C5AR2: variants seen among roughly 807,000 people sequenced by gnomAD.
The protein encoded by C5AR2 is complement C5a receptor 2.
For synonymous variants in C5AR2, 224 were observed against 216.5 expected (o/e 1.03, Z -0.30); for missense variants, 458 against 467.5 (o/e 0.98, Z 0.19).
At chr19:47,335,817 T>G (rs1196104821) in intron 1 of C5AR2, among the ~76,000 whole-genome samples, 1 of 134,022 alleles carries the variant, frequency 7.5e-6, no homozygotes, top group East Asian at 2.3e-4. Flanking sequence ...GTTTTCGTTT[T>G]CTGGATTGTA....
At chr19:47,336,472 CCTTCCTTCCTTCCTTCCTTT>C (rs879628938) in intron 1 of C5AR2, among the ~76,000 whole-genome samples, 14,765 of 90,014 alleles carry the variant, frequency 0.16, 1,025 homozygotes, top group East Asian at 0.25. Context: ...TTCCTTCCTT[CCTTCCTTCCTTCCTTCCTTT>C]CTTTCTTTCT....
At position 47,343,293 on chromosome 19, in the gene C5AR2, TAGACCTCTGATCCGC is replaced by T. The variant is rs1969072316; in HGVS notation, c.*1487_*1501del. The T allele has an allele frequency of 6.6e-6, 1 of 152,220 alleles. No individual in the cohort carries two copies. The highest frequency in any genetic ancestry group is 2.1e-4 in the South Asian group (1 of 4,836). The allele number at this position is 152,220 out of a possible 1,614,324, so 9.4% of individuals were successfully genotyped here. ...AGGAACACAGACCTCCTGACACTTT[TAGACCTCTGATCCGC>T]AGACCTTTAAGAAAATACATTTGTA... On this transcript the variant is annotated 3_prime_UTR_variant, in exon 2 of 2. Coordinates refer to ENST00000595464, the MANE Select transcript of C5AR2 (RefSeq NM_001271749.2).
intron 1 of C5AR2, among the ~76,000 whole-genome samples, chr19:47,339,614 G>A (rs2059374422): frequency 6.6e-6 from 1 of 152,070 alleles, no homozygotes; most frequent in Non-Finnish European, 1.5e-5. Flanking sequence ...ACTGTGCCCG[G>A]CCCCTGATGA....
At chr19:47,334,659 A>G (rs1057170264) in intron 1 of C5AR2, among the ~76,000 whole-genome samples, 6 of 151,984 alleles carry the variant, frequency 3.9e-5, no homozygotes, top group Non-Finnish European at 8.8e-5. Context: ...CATTTTCAAC[A>G]TAAGTTGAAA....
In C5AR2 at chr19:47,341,860, GA is replaced by G. The variant is rs1568388161; in HGVS notation, c.*48del. On this transcript the variant is annotated 3_prime_UTR_variant, in exon 2 of 2. Coordinates refer to ENST00000595464, the MANE Select transcript of C5AR2 (RefSeq NM_001271749.2). This position sits in a 1 kb window ranked among gnomAD's most constrained non-coding sequence, Gnocchi z 4.6. ...TGTATCTTCTTATCTCATTTCACAA[GA>G]CTGGCTTCAGGCATAGCTGGATCCA... The G allele has an allele frequency of 6.4e-7, 1 of 1,562,932 alleles. No homozygotes were observed. Among genetic ancestry groups the G allele is most frequent in the Admixed American group, 1.7e-5 (1 of 58,488 alleles).
rs1969030478 is a variant in C5AR2 at position 47,341,498 on chromosome 19, GC to G, written c.700del (p.Leu234TrpfsTer78). 1.2e-6 allele frequency: 2 copies of G among 1,611,704 alleles called. No individual in the cohort carries two copies. The highest frequency in any genetic ancestry group is 1.7e-6 in the Non-Finnish European group (2 of 1,179,666). On this transcript the variant is annotated frameshift_variant, in exon 2 of 2. Coordinates refer to ENST00000595464, the MANE Select transcript of C5AR2 (RefSeq NM_001271749.2). LOFTEE classifies it low-confidence loss of function (END_TRUNC). This position sits in a 1 kb window ranked among gnomAD's most constrained non-coding sequence, Gnocchi z 4.6. ...LCWAARRCRPLGTAIVVGFFV... is the reference protein window; with the variant it reads ...LCWAARRCRPXGTAIVVGFFV... ...GCTGGGCAGCCCGACGCTGCCGGCC[GC>G]TGGGCACAGCCATTGTGGTGGGGTT...
chr19:47,341,484 C>T lies in C5AR2; in HGVS notation c.685C>T (p.Arg229Ter), dbSNP rs777933378. The T allele has an allele frequency of 3.7e-6, 6 of 1,611,572 alleles. No homozygotes were observed. Among genetic ancestry groups the T allele is most frequent in the South Asian group, 2.2e-5 (2 of 91,040 alleles). The change falls in exon 2 of 2, where the codon CGA (arginine) becomes TGA (stop). Residue 229 changes from arginine (R) to a stop codon, truncating the protein, a stop_gained. Coordinates refer to ENST00000595464, the MANE Select transcript of C5AR2 (RefSeq NM_001271749.2). LOFTEE classifies it low-confidence loss of function (END_TRUNC). The surrounding 1 kb of genome is among the most constrained non-coding windows in gnomAD (Gnocchi z 4.6). Reference protein sequence around the residue: ...CHSALLCWAARRCRPLGTAIV... With the variant: ...CHSALLCWAA ...CAGTGCCCTCCTGTGCTGGGCAGCCCGACGCTGCCGGCCGCTGGGCACAGC... is the reference window on the plus strand; with the variant it reads ...CAGTGCCCTCCTGTGCTGGGCAGCCTGACGCTGCCGGCCGCTGGGCACAGC...
In C5AR2 at chr19:47,341,016, T is replaced by C. The variant is rs765291251; in HGVS notation, c.217T>C (p.Leu73=). Residue 73 remains leucine (L), a synonymous_variant, in exon 2 of 2, where the codon TTG becomes CTG. Transcript: ENST00000595464. The surrounding 1 kb of genome is among the most constrained non-coding windows in gnomAD (Gnocchi z 4.6). ...CCGCCGGAGGGTGGGTGCCACCTGGTTGCTCCACCTGGCCGTGGCGGATTT... is the reference window on the plus strand; with the variant it reads ...CCGCCGGAGGGTGGGTGCCACCTGGCTGCTCCACCTGGCCGTGGCGGATTT... ...VARRRVGATW[L]LHLAVADLLC... The C allele has an allele frequency of 6.2e-7, 1 of 1,608,964 alleles. No homozygotes were observed. The highest frequency in any genetic ancestry group is 2.2e-5 in the East Asian group (1 of 44,870).
chr19:47,338,902 C>T (rs181603821), intron 1 of C5AR2, among the ~76,000 whole-genome samples: 1 of 151,786 alleles, frequency 6.6e-6, no homozygotes, highest in African/African-American at 2.4e-5. Context: ...GCCTGTAATC[C>T]CAGCACTTTG....
intron 1 of C5AR2, 101 bp from the exon 2 acceptor site, chr19:47,340,684 A>T: frequency 1.9e-6 from 2 of 1,059,134 alleles, no homozygotes; most frequent in Non-Finnish European, 2.9e-6. Flanking sequence ...GCAATATTCC[A>T]GTTTGCAAGG....
Position 47,340,922 on chromosome 19 carries a change from G to A in C5AR2, c.123G>A (p.Leu41=). ...CGCTGCGCGTGGCCCCGCTCCCACT[G>A]TATGCCGCCATCTTCCTGGTGGGGG... ...IDPLRVAPLP[L]YAAIFLVGVP... Residue 41 remains leucine, a synonymous_variant, in exon 2 of 2, where the codon CTG becomes CTA. Coordinates refer to ENST00000595464, the MANE Select transcript of C5AR2 (RefSeq NM_001271749.2). 1 of 1,612,614 alleles carries A rather than the reference G, an allele frequency of 6.2e-7. No individual in the cohort carries two copies. Among genetic ancestry groups the A allele is most frequent in the Non-Finnish European group, 8.5e-7 (1 of 1,179,938 alleles).
rs2122180058 is a variant in C5AR2 at position 47,345,343 on chromosome 19, A to G, written c.*3530A>G. The G allele has an allele frequency of 6.4e-6, 1 of 155,048 alleles. No individual in the cohort carries two copies. The highest frequency in any genetic ancestry group is 2.0e-4 in the South Asian group (1 of 4,902). The allele number at this position is 155,048 out of a possible 1,614,324, so 9.6% of individuals were successfully genotyped here. ...TCAGGGTAGACAGGAGCTCAGTCAG[A>G]AAGCACTGGTATCACTTTTTTTTTT... On this transcript the variant is annotated 3_prime_UTR_variant, in exon 2 of 2. Coordinates refer to ENST00000595464, the MANE Select transcript of C5AR2 (RefSeq NM_001271749.2).
At chr19:47,337,577 G>C (rs948098499) in intron 1 of C5AR2, among the ~76,000 whole-genome samples, 6 of 151,626 alleles carry the variant, frequency 4.0e-5, no homozygotes, top group Non-Finnish European at 8.8e-5. Context: ...CGGGAGAATT[G>C]CTTGAACCCT....
chr19:47,341,514 G>A lies in C5AR2; in HGVS notation c.715G>A (p.Val239Met), dbSNP rs1474828837. 1 of 1,612,198 alleles carries A rather than the reference G, an allele frequency of 6.2e-7. No homozygotes were observed. Among genetic ancestry groups the A allele is most frequent in the Admixed American group, 1.7e-5 (1 of 59,970 alleles). ...CTGCCGGCCGCTGGGCACAGCCATT[G>A]TGGTGGGGTTTTTTGTCTGCTGGGC... Reference protein sequence around the residue: ...RRCRPLGTAIVVGFFVCWAPY... With the variant: ...RRCRPLGTAIMVGFFVCWAPY... Residue 239 changes from valine to methionine, a missense_variant, in exon 2 of 2, where the codon GTG (valine) becomes ATG (methionine). Val to Met is a conservative substitution (Grantham distance 21, BLOSUM62 1). Transcript: ENST00000595464. The surrounding 1 kb of genome is among the most constrained non-coding windows in gnomAD (Gnocchi z 4.6).
In C5AR2 at chr19:47,332,313, G is replaced by A. The variant is rs2059342944; in HGVS notation, c.-52G>A. 4 of 152,214 alleles carry A rather than the reference G, an allele frequency of 2.6e-5. No homozygotes were observed. The allele number at this position is 152,214 out of a possible 1,614,324, so 9.4% of individuals were successfully genotyped here. ...TGGGCCCGGATTGGGCTCCCAAGTGGCGTTTGACTCACGTGGGGACACTCT... is the reference window on the plus strand; with the variant it reads ...TGGGCCCGGATTGGGCTCCCAAGTGACGTTTGACTCACGTGGGGACACTCT... On this transcript the variant is annotated 5_prime_UTR_variant, in exon 1 of 2. Coordinates refer to ENST00000595464, the MANE Select transcript of C5AR2 (RefSeq NM_001271749.2).
Position 47,347,017 on chromosome 19 carries a change from G to A in C5AR2, c.*5204G>A, listed in dbSNP as rs1969128784. ...TTTTTGAACTGGAATACATTTCACG[G>A]GAATTTTCAAATTTAAGTCTGTGCA... On this transcript the variant is annotated 3_prime_UTR_variant, in exon 2 of 2. Transcript: ENST00000595464. 6.6e-6 allele frequency: 1 copy of A among 152,036 alleles called. No homozygotes were observed. Among genetic ancestry groups the A allele is most frequent in the African/African-American group, 2.4e-5 (1 of 41,388 alleles). 9.4% of individuals were successfully genotyped at this position (152,036 alleles called of 1,614,324 possible).
Position 47,334,502 on chromosome 19 carries a change from G to A in C5AR2, c.-16+2153G>A, listed in dbSNP as rs531783953. Among the ~76,000 whole-genome samples, 6 of 151,874 alleles carry A rather than the reference G, an allele frequency of 4.0e-5. No individual in the cohort carries two copies. In the South Asian group the frequency reaches 6.2e-4, roughly 16 times the overall value. On this transcript the variant is annotated intron_variant, in intron 1 of 1. Transcript: ENST00000595464. ...AAAAAAATTAGCTGGGCATGATGGC[G>A]TGCACCCGTAGTCCCAGCTACTCCA...
In C5AR2 at chr19:47,343,318, A is replaced by C. The variant is rs1969072678; in HGVS notation, c.*1505A>C. Reference sequence around the variant, plus strand: ...TAGACCTCTGATCCGCAGACCTTTAAGAAAATACATTTGTATTGTTTTAAG... The same window carrying C: ...TAGACCTCTGATCCGCAGACCTTTACGAAAATACATTTGTATTGTTTTAAG... On this transcript the variant is annotated 3_prime_UTR_variant, in exon 2 of 2. Coordinates refer to ENST00000595464, the MANE Select transcript of C5AR2 (RefSeq NM_001271749.2). The C allele has an allele frequency of 1.3e-5, 2 of 152,362 alleles. No individual in the cohort carries two copies. Among genetic ancestry groups the C allele is most frequent in the South Asian group, 4.1e-4 (2 of 4,830 alleles). The allele number at this position is 152,362 out of a possible 1,614,324, so 9.4% of individuals were successfully genotyped here.
rs770710671 is a variant in C5AR2 at position 47,340,993 on chromosome 19, G to A, written c.194G>A (p.Arg65His). The change falls in exon 2 of 2, where the codon CGC (arginine) becomes CAC (histidine). Residue 65 changes from arginine to histidine, a missense_variant. Physicochemically the swap from Arg to His is conservative, Grantham distance 29. Transcript: ENST00000595464. ...GCCTGGGTGGCTGGGAAGGTGGCCC[G>A]CCGGAGGGTGGGTGCCACCTGGTTG... ...MVAWVAGKVA[R>H]RRVGATWLLH... 5.6e-6 allele frequency: 9 copies of A among 1,609,992 alleles called. No homozygotes were observed. The highest frequency in any genetic ancestry group is 2.2e-5 in the East Asian group (1 of 44,876).
Sources: allele counts gnomAD v4.1 joint callset (sites outside exome capture counted in the v4.1 genomes callset), GRCh38; gene constraint gnomAD v4.1.1; non-coding constraint Gnocchi (gnomAD v3.1); transcripts MANE v1.5; gene names NCBI Gene and HGNC (gene_info 2026-07-23, HGNC 2026-07-21).